SIDT1: variants seen among roughly 807,000 people sequenced by gnomAD.
The protein encoded by SIDT1 is SID1 transmembrane family member 1.
SIDT1 carries 101 observed loss-of-function variants against 107.5 expected under a neutral mutation model. The ratio of observed to expected loss-of-function variants is 0.94; its 90% CI spans 0.80 to 1.11. SIDT1 has a LOEUF of 1.11. Ranked by LOEUF, SIDT1 falls within the 50% of genes least tolerant of loss-of-function variation. The pLI, the probability that SIDT1 is intolerant of heterozygous loss-of-function variation, is 0.00. For synonymous variants in SIDT1, 395 were observed against 398.2 expected, an observed-to-expected ratio of 0.99 and a Z score of 0.10; for missense variants, 1,076 against 1,058.2, an observed-to-expected ratio of 1.02 and a Z score of -0.23.
intron 21 of SIDT1, 37 bp downstream of exon 21, chr3:113,619,763 T>G (rs992587025): frequency 1.9e-6 from 3 of 1,566,666 alleles, no homozygotes; most frequent in African/African-American, 2.7e-5. Context: ...TTGCCTTTAT[T>G]AATGTCAGTA....
chr3:113,597,541 C>T (rs1192620908), intron 10 of SIDT1, among the ~76,000 whole-genome samples: 1 of 149,074 alleles, frequency 6.7e-6, no homozygotes, highest in Admixed American at 6.7e-5. Context: ...TAGTTCCCAT[C>T]ATTTCTGGCT....
intron 10 of SIDT1, among the ~76,000 whole-genome samples, chr3:113,597,253 T>C: frequency 6.6e-6 from 1 of 152,060 alleles, no homozygotes; most frequent in South Asian, 2.1e-4. Context: ...TCCCAACACT[T>C]TGGGAGGCCG....
At chr3:113,606,866 A>AAGTTGTGTAAG (rs1333069682) in intron 14 of SIDT1, 175 bp from the exon 15 acceptor site, 52 of 491,496 alleles carry the variant, frequency 1.1e-4, no homozygotes, top group Non-Finnish European at 1.5e-4. Context: ...TTGTAAAAAA[A>AAGTTGTGTAAG]GTGCCTGTGC....
At position 113,613,031 on chromosome 3, in the gene SIDT1, C is replaced by A. The variant is rs202140755; in HGVS notation, c.1966+837C>A. On this transcript the variant is annotated intron_variant, in intron 19 of 24. Coordinates refer to ENST00000264852, the MANE Select transcript of SIDT1 (RefSeq NM_017699.3). Reference sequence around the variant, plus strand: ...AAGAAGGGAGGGAGGGAAAAATATACCTCCATTGCAACTAAATTAGAAGGC... The same window carrying A: ...AAGAAGGGAGGGAGGGAAAAATATAACTCCATTGCAACTAAATTAGAAGGC... Among the ~76,000 whole-genome samples, 4 of 152,304 alleles carry A rather than the reference C, an allele frequency of 2.6e-5. No individual in the cohort carries two copies. The East Asian group carries it at 7.7e-4, about 29-fold the overall frequency.
chr3:113,588,360 T>C (rs974602675), intron 9 of SIDT1, among the ~76,000 whole-genome samples: 1 of 152,244 alleles, frequency 6.6e-6, no homozygotes, highest in African/African-American at 2.4e-5. Flanking sequence ...GAACTTTTCC[T>C]TCATTAACTA....
At chr3:113,554,764 C>T (rs1011516077) in intron 1 of SIDT1, among the ~76,000 whole-genome samples, 13 of 152,172 alleles carry the variant, frequency 8.5e-5, no homozygotes, top group Admixed American at 3.3e-4. Context: ...GAACCCCTTT[C>T]GCGACAGAAG....
chr3:113,577,723 T>C (rs1943014991), intron 4 of SIDT1, among the ~76,000 whole-genome samples: 1 of 152,236 alleles, frequency 6.6e-6, no homozygotes, highest in Admixed American at 6.5e-5. Context: ...TAGTCCATAA[T>C]ATAGCTTTGG....
In SIDT1 at chr3:113,604,023, A is replaced by T. The variant is rs1945149915; in HGVS notation, c.1327A>T (p.Ile443Phe). The T allele has an allele frequency of 6.3e-7, 1 of 1,593,310 alleles. No individual in the cohort carries two copies. Among genetic ancestry groups the T allele is most frequent in the Non-Finnish European group, 8.6e-7 (1 of 1,166,978 alleles). ...GAGAATTGTCAGCAAAAAATATAAAATTTATTTTTGGTAAGTAGATGACCA... is the reference window on the plus strand; with the variant it reads ...GAGAATTGTCAGCAAAAAATATAAATTTTATTTTTGGTAAGTAGATGACCA... ...DRRIVSKKYK[I>F]YFWNIITIAV... is the part of the protein sequence containing the mutation. Residue 443 changes from isoleucine (I) to phenylalanine (F), a missense_variant, in exon 13 of 25, where the codon ATT becomes TTT. Transcript: ENST00000264852.
chr3:113,553,254 G>T (rs1940472018), intron 1 of SIDT1, among the ~76,000 whole-genome samples: 1 of 152,098 alleles, frequency 6.6e-6, no homozygotes, highest in African/African-American at 2.4e-5. Context: ...GCAGATGATT[G>T]GTTTTGCTCA....
chr3:113,632,653 T>A (rs1191240585), downstream of SIDT1: 1 of 152,194 alleles, frequency 6.6e-6, no homozygotes, highest in African/African-American at 2.4e-5. Flanking sequence ...GGCTAGGCAC[T>A]GTGAGAAAAT....
intron 11 of SIDT1, 25 bp downstream of exon 11, chr3:113,601,684 G>A: frequency 6.4e-7 from 1 of 1,556,976 alleles, no homozygotes; most frequent in Non-Finnish European, 8.8e-7. Flanking sequence ...GTCTGTTCAT[G>A]AAAGTGTTTC....
chr3:113,623,913 G>A (rs1257530590), intron 23 of SIDT1, among the ~76,000 whole-genome samples, 180 bp downstream of exon 23: 1 of 152,156 alleles, frequency 6.6e-6, no homozygotes, highest in Non-Finnish European at 1.5e-5. Context: ...TCATTCTCAG[G>A]GTGGCACTTT....
At chr3:113,582,185 T>C (rs1349910122) in intron 6 of SIDT1, among the ~76,000 whole-genome samples, 1 of 152,222 alleles carries the variant, frequency 6.6e-6, no homozygotes, top group East Asian at 1.9e-4. Flanking sequence ...TATCTTATGA[T>C]ATTTGTAATT....
downstream of SIDT1, among the ~76,000 whole-genome samples, chr3:113,634,158 A>G (rs1947109599): frequency 6.6e-6 from 1 of 152,178 alleles, no homozygotes; most frequent in Non-Finnish European, 1.5e-5. Flanking sequence ...ATTTTATTCC[A>G]TCCCTGAAGA....
At chr3:113,533,361 CTT>C in intron 1 of SIDT1, 118 bp downstream of exon 1, 1 of 757,122 alleles carries the variant, frequency 1.3e-6, no homozygotes, top group Non-Finnish European at 1.9e-6. Flanking sequence ...AGGGGACTTT[CTT>C]TCCCTTTCTC....
chr3:113,579,945 T>C (rs756801114), intron 4 of SIDT1, among the ~76,000 whole-genome samples: 2 of 152,258 alleles, frequency 1.3e-5, no homozygotes, highest in Non-Finnish European at 2.9e-5. Flanking sequence ...CCTCTTTCAA[T>C]TAAAAATGTT....
rs1301598497 is a variant in SIDT1, at chr3:113,623,712, C to T, written c.2286C>T (p.Phe762=). The T allele has an allele frequency of 6.2e-7, 1 of 1,613,532 alleles. No homozygotes were observed. Among genetic ancestry groups the T allele is most frequent in the Admixed American group, 1.7e-5 (1 of 60,032 alleles). The part of the protein sequence containing the change: ...VMWAAALYFF[F]QNLSSWEGTP... ...GGGCTGCCGCCCTATATTTTTTCTT[C>T]CAGAATCTCAGCAGCTGGGAGGTAA... Residue 762 remains phenylalanine (F), a synonymous_variant, in exon 23 of 25, where the codon TTC becomes TTT. Coordinates refer to ENST00000264852, the MANE Select transcript of SIDT1 (RefSeq NM_017699.3).
intron 4 of SIDT1, among the ~76,000 whole-genome samples, chr3:113,578,025 G>C (rs932322552): frequency 8.5e-5 from 13 of 152,254 alleles, no homozygotes; most frequent in African/African-American, 2.9e-4. Context: ...GTCTGTGAAA[G>C]TCTCTGCAAC....
chr3:113,602,932 C>G, intron 11 of SIDT1, 73 bp from the exon 12 acceptor site: 1 of 1,541,510 alleles, frequency 6.5e-7, no homozygotes, highest in Non-Finnish European at 8.8e-7. Flanking sequence ...CTGCACTGTG[C>G]TTTTTGCAGA....
Sources: gnomAD v4.1 joint callset for allele counts (sites outside exome capture counted in the v4.1 genomes callset) on GRCh38, gnomAD v4.1.1 for gene constraint, MANE v1.5 for transcripts, NCBI Gene and HGNC (gene_info 2026-07-23, HGNC 2026-07-21) for gene names.